Variants in CDH13 observed in about 807,000 individuals in gnomAD.
The protein encoded by CDH13 is cadherin-13.
CDH13 carries 24 observed loss-of-function variants against 63.8 expected under a neutral mutation model. The observed-to-expected ratio is 0.38, with a 90% confidence interval of 0.27 to 0.53. CDH13 has a LOEUF of 0.53. CDH13 is among the 20% of genes least tolerant of loss of function. CDH13 has a pLI of 0.85. For missense variants in CDH13, 1,049 were observed against 903.1 expected (o/e 1.16, Z -2.07); for synonymous variants, 503 against 355.3 (o/e 1.42, Z -4.67).
intron 4 of CDH13, among the ~76,000 whole-genome samples, chr16:83,196,941 G>A (rs1375863037): frequency 1.3e-5 from 2 of 152,108 alleles, no homozygotes; most frequent in South Asian, 4.1e-4. Context: ...ACTCCTAGGC[G>A]TTTATCCCAG....
chr16:83,526,194 A>C (rs2074955354), intron 7 of CDH13, among the ~76,000 whole-genome samples: 1 of 152,212 alleles, frequency 6.6e-6, no homozygotes, highest in South Asian at 2.1e-4. Flanking sequence ...CAGTCATCAG[A>C]GTCAGAAGTT....
At chr16:83,514,041 T>C (rs1420289961) in intron 7 of CDH13, among the ~76,000 whole-genome samples, 2 of 152,202 alleles carry the variant, frequency 1.3e-5, no homozygotes, top group Non-Finnish European at 2.9e-5. Context: ...TGAAACTATC[T>C]TGTGTGCCTC....
intron 3 of CDH13, among the ~76,000 whole-genome samples, chr16:83,108,539 G>T (rs1313164345): frequency 6.6e-6 from 1 of 152,164 alleles, no homozygotes; most frequent in Admixed American, 6.5e-5. Context: ...CCTCCCCACT[G>T]CAAAGGGCAC....
At chr16:83,592,862 C>T (rs1442357114) in intron 7 of CDH13, among the ~76,000 whole-genome samples, 6 of 152,064 alleles carry the variant, frequency 3.9e-5, no homozygotes, top group Non-Finnish European at 7.4e-5. Flanking sequence ...TGAAAAGAGG[C>T]CTAAAGACAA....
rs116852752 is a variant in CDH13 at position 83,694,052 on chromosome 16, T to C, written c.1538+15591T>C. 9.6e-3 allele frequency among the ~76,000 whole-genome samples: 1,467 copies of C among 152,302 alleles called. 69 individuals carry two copies. The highest frequency in any genetic ancestry group is 0.072 in the Admixed American group (1,099 of 15,296). On this transcript the variant is annotated intron_variant, in intron 10 of 13. Coordinates refer to ENST00000567109, the MANE Select transcript of CDH13 (RefSeq NM_001257.5). ...TGGTCACAAGCAACAGAAACCAGCA[T>C]GGGCTATGTTAGGTGGAATAAAACA...
chr16:83,049,324 T>A (rs4396519), intron 3 of CDH13, among the ~76,000 whole-genome samples: 74,415 of 124,370 alleles, frequency 0.6, 22,441 homozygotes, highest in East Asian at 0.82. Flanking sequence ...ATGACTGGCC[T>A]CTTTTTTTTT....
intron 4 of CDH13, among the ~76,000 whole-genome samples, chr16:83,179,877 C>T (rs557000518): frequency 6.7e-6 from 1 of 149,692 alleles, no homozygotes; most frequent in South Asian, 2.1e-4. Flanking sequence ...ATATTCCTAT[C>T]AAAATAGGTT....
At chr16:82,657,737 C>T (rs1262349991) in intron 1 of CDH13, among the ~76,000 whole-genome samples, 1 of 152,106 alleles carries the variant, frequency 6.6e-6, no homozygotes, top group Non-Finnish European at 1.5e-5. Flanking sequence ...TCATTCATTG[C>T]TGGTACATAG....
chr16:83,697,123 C>T (rs532248420), intron 10 of CDH13, among the ~76,000 whole-genome samples: 1 of 152,306 alleles, frequency 6.6e-6, no homozygotes, highest in African/African-American at 2.4e-5. Flanking sequence ...TGTGAGCTCA[C>T]CCACTCAATA....
chr16:83,788,317 G>A (rs182758322), intron 13 of CDH13, among the ~76,000 whole-genome samples: 64 of 152,276 alleles, frequency 4.2e-4, no homozygotes, highest in Admixed American at 4.0e-3. Context: ...CAGATTTCCA[G>A]GCCCATCCAA....
At chr16:83,689,504 T>C (rs895922864) in intron 10 of CDH13, among the ~76,000 whole-genome samples, 5 of 152,180 alleles carry the variant, frequency 3.3e-5, no homozygotes, top group African/African-American at 1.2e-4. Flanking sequence ...ACACGGGTAA[T>C]GAAACCACAG....
chr16:82,710,109 A>T (rs2031794896), intron 1 of CDH13, among the ~76,000 whole-genome samples: 1 of 148,058 alleles, frequency 6.8e-6, no homozygotes, highest in African/African-American at 2.5e-5. Flanking sequence ...ACATTTAAAT[A>T]TATTATATAG....
chr16:83,530,122 C>A (rs1226692145), intron 7 of CDH13, among the ~76,000 whole-genome samples: 1 of 152,098 alleles, frequency 6.6e-6, no homozygotes, highest in Non-Finnish European at 1.5e-5. Context: ...TCCTGCTGGC[C>A]CTTGAAGAGG....
chr16:82,671,834 A>T (rs1437394750), intron 1 of CDH13, among the ~76,000 whole-genome samples: 2 of 152,196 alleles, frequency 1.3e-5, no homozygotes, highest in East Asian at 3.8e-4. Context: ...GAAGAGAAAC[A>T]CCATGGGGCA....
intron 1 of CDH13, among the ~76,000 whole-genome samples, chr16:82,666,930 G>A (rs1186266747): frequency 6.6e-6 from 1 of 152,164 alleles, no homozygotes; most frequent in Non-Finnish European, 1.5e-5. Flanking sequence ...GATGTAAAAT[G>A]CAGTGTGTAG....
chr16:83,577,626 AT>A (rs1479109145), intron 7 of CDH13, among the ~76,000 whole-genome samples: 1 of 152,162 alleles, frequency 6.6e-6, no homozygotes, highest in Non-Finnish European at 1.5e-5. Flanking sequence ...CCTGAGACTC[AT>A]GGGTTTGTAC....
chr16:82,860,394 GGGGGGC>G (rs1213963953), intron 2 of CDH13, among the ~76,000 whole-genome samples: 5 of 131,092 alleles, frequency 3.8e-5, no homozygotes, highest in African/African-American at 1.4e-4. Context: ...TGTGTGGGGG[GGGGGGC>G]GGCGGTGTGC....
intron 8 of CDH13, among the ~76,000 whole-genome samples, chr16:83,647,731 C>A (rs1911970048): frequency 6.6e-6 from 1 of 152,184 alleles, no homozygotes; most frequent in African/African-American, 2.4e-5. Context: ...ATCATAGGAT[C>A]TGTGACACGT....
At chr16:82,797,032 C>T (rs772463230) in intron 1 of CDH13, among the ~76,000 whole-genome samples, 8 of 152,330 alleles carry the variant, frequency 5.3e-5, no homozygotes, top group Middle Eastern at 3.4e-3. Context: ...ACATTGCATA[C>T]GATTCTTCCA....
Sources: gnomAD v4.1 joint callset for allele counts (sites outside exome capture counted in the v4.1 genomes callset) on GRCh38, gnomAD v4.1.1 for gene constraint, MANE v1.5 for transcripts, NCBI Gene and HGNC (gene_info 2026-07-23, HGNC 2026-07-21) for gene names.